Variants in MAF observed in about 807,000 individuals in gnomAD.
MAF encodes the protein MAF bZIP transcription factor.
Under a neutral mutation model 22.0 loss-of-function variants are expected in MAF, and 10 were observed. The ratio of observed to expected loss-of-function variants is 0.45; its 90% confidence interval spans 0.28 to 0.77. The LOEUF is 0.77. Among genes scored for constraint, MAF ranks in the 30% least tolerant of loss-of-function variants. The probability of loss-of-function intolerance (pLI) is 0.12; values close to 1 mark genes in which losing one functional copy is unlikely to be tolerated. For synonymous variants in MAF, 337 were observed against 255.8 expected, an observed-to-expected ratio of 1.32 and a Z score of -3.03; for missense variants, 544 against 548.4, an observed-to-expected ratio of 0.99 and a Z score of 0.08.
At chr16:79,521,427 G>T in the MAF span, among the ~76,000 whole-genome samples, 1 of 152,212 alleles carries the variant, frequency 6.6e-6, no homozygotes, top group East Asian at 1.9e-4. Flanking sequence ...AAAGGGAAAA[G>T]TTCGCACTCA....
the MAF span, among the ~76,000 whole-genome samples, chr16:79,501,251 T>G: frequency 2.0e-5 from 3 of 152,216 alleles, no homozygotes; most frequent in African/African-American, 7.2e-5. Context: ...GGTTGTCAGA[T>G]CCTTCTTTTC....
the MAF span, among the ~76,000 whole-genome samples, chr16:79,218,672 C>T: frequency 2.0e-5 from 3 of 152,204 alleles, no homozygotes; most frequent in Non-Finnish European, 2.9e-5. Flanking sequence ...AAGCAGCCAG[C>T]CTCCTTATTT....
the MAF span, among the ~76,000 whole-genome samples, chr16:79,343,012 GA>G: frequency 4.6e-5 from 7 of 152,100 alleles, no homozygotes; most frequent in East Asian, 9.6e-4. Context: ...GGTTCTTACA[GA>G]AAAAAAGTCC....
the MAF span, among the ~76,000 whole-genome samples, chr16:79,280,094 G>A: frequency 2.6e-5 from 4 of 152,160 alleles, no homozygotes; most frequent in South Asian, 2.1e-4. Context: ...CCATCAGCTC[G>A]ATAAGCTGCC....
At chr16:79,250,739 T>C in the MAF span, among the ~76,000 whole-genome samples, 5 of 152,242 alleles carry the variant, frequency 3.3e-5, no homozygotes, top group African/African-American at 1.2e-4. Context: ...AAATAATAAA[T>C]TCGTTTGAGA....
chr16:79,546,531 T>C, the MAF span, among the ~76,000 whole-genome samples: 24 of 152,192 alleles, frequency 1.6e-4, no homozygotes, highest in Non-Finnish European at 2.9e-4. Flanking sequence ...GCTACACCTA[T>C]TCCATTTCAT....
At chr16:79,282,398 A>T in the MAF span, among the ~76,000 whole-genome samples, 1 of 152,146 alleles carries the variant, frequency 6.6e-6, no homozygotes, top group Non-Finnish European at 1.5e-5. Flanking sequence ...CAGAATAACC[A>T]CTAATGTAGC....
At chr16:79,207,517 G>C in the MAF span, among the ~76,000 whole-genome samples, 1 of 152,180 alleles carries the variant, frequency 6.6e-6, no homozygotes, top group Middle Eastern at 3.2e-3. Flanking sequence ...GATTAATTCA[G>C]CATTTGCTGT....
the MAF span, among the ~76,000 whole-genome samples, chr16:79,334,237 A>G: frequency 6.6e-6 from 1 of 152,236 alleles, no homozygotes; most frequent in Non-Finnish European, 1.5e-5. Context: ...ATTGGGCTGC[A>G]GTCGTGCAAT....
chr16:79,589,882 G>C (rs931440059), downstream of MAF, among the ~76,000 whole-genome samples: 2 of 152,206 alleles, frequency 1.3e-5, no homozygotes, highest in Non-Finnish European at 2.9e-5. Context: ...GGCGTCGTGG[G>C]CATCTCCGAG....
At chr16:79,507,114 C>CTTT in the MAF span, among the ~76,000 whole-genome samples, 1,493 of 115,156 alleles carry the variant, frequency 0.013, 40 homozygotes, top group African/African-American at 0.041. Flanking sequence ...TTTTCTGCGT[C>CTTT]TTTTTTTTTT....
chr16:79,316,683 G>C, the MAF span, among the ~76,000 whole-genome samples: 1 of 152,148 alleles, frequency 6.6e-6, no homozygotes, highest in African/African-American at 2.4e-5. Context: ...GTTACTGGGG[G>C]AAGGATGAAA....
chr16:79,331,773 T>G, the MAF span, among the ~76,000 whole-genome samples: 1,809 of 152,250 alleles, frequency 0.012, 18 homozygotes, highest in Non-Finnish European at 0.02. Context: ...CCTGCCACTG[T>G]GGCCTCATTC....
At chr16:79,398,505 G>C in the MAF span, among the ~76,000 whole-genome samples, 2 of 152,286 alleles carry the variant, frequency 1.3e-5, no homozygotes, top group South Asian at 2.1e-4. Context: ...TGAGAAGATG[G>C]AGGGAGATAA....
At chr16:79,325,837 C>G in the MAF span, among the ~76,000 whole-genome samples, 2 of 152,098 alleles carry the variant, frequency 1.3e-5, no homozygotes, top group Non-Finnish European at 2.9e-5. Context: ...AGGAAGGGAA[C>G]AGAAGATACG....
At chr16:79,391,450 T>C in the MAF span, among the ~76,000 whole-genome samples, 2 of 152,126 alleles carry the variant, frequency 1.3e-5, no homozygotes, top group African/African-American at 4.8e-5. Flanking sequence ...CTGCTTGCCA[T>C]TTCTATTAAG....
chr16:79,226,899 G>A, the MAF span, among the ~76,000 whole-genome samples: 41 of 152,170 alleles, frequency 2.7e-4, no homozygotes, highest in Middle Eastern at 6.8e-3. Flanking sequence ...CAGTCATGGA[G>A]CCTCCAGAAA....
chr16:79,443,045 T>A, the MAF span, among the ~76,000 whole-genome samples: 1 of 152,186 alleles, frequency 6.6e-6, no homozygotes, highest in African/African-American at 2.4e-5. Context: ...ATGGGACTGA[T>A]TGGGGTCACA....
the MAF span, among the ~76,000 whole-genome samples, chr16:79,523,771 T>A: frequency 6.6e-6 from 1 of 152,204 alleles, no homozygotes; most frequent in African/African-American, 2.4e-5. Flanking sequence ...ATCCTTCAAG[T>A]GCTAAGTCCT....
Sources: gnomAD v4.1 joint callset for allele counts (sites outside exome capture counted in the v4.1 genomes callset) on GRCh38, gnomAD v4.1.1 for gene constraint, MANE v1.5 for transcripts, NCBI Gene and HGNC (gene_info 2026-07-23, HGNC 2026-07-21) for gene names.